DPP6: variants seen among roughly 807,000 people sequenced by gnomAD.
DPP6 encodes the protein dipeptidyl peptidase like 6.
In DPP6, 69 loss-of-function variants were observed where a neutral mutation model predicts 122.6. The observed-to-expected ratio is 0.56, with a 90% CI of 0.46 to 0.69. The LOEUF (loss-of-function observed/expected upper bound fraction) is 0.69. Ranked by LOEUF, DPP6 falls within the 30% of genes least tolerant of loss-of-function variation. The probability of loss-of-function intolerance (pLI) is 0.00; values close to 1 mark genes in which losing one functional copy is unlikely to be tolerated. For synonymous variants in DPP6, 418 were observed against 433.1 expected, an observed-to-expected ratio of 0.97 and a Z score of 0.43; for missense variants, 928 against 1,116.9, an observed-to-expected ratio of 0.83 and a Z score of 2.41.
At chr7:153,753,891 A>G in the DPP6 span, among the ~76,000 whole-genome samples, 1 of 152,154 alleles carries the variant, frequency 6.6e-6, no homozygotes, top group African/African-American at 2.4e-5. Context: ...ATTTGGCACC[A>G]TTTTCTGGTG....
intron 6 of DPP6, among the ~76,000 whole-genome samples, chr7:154,648,826 G>A (rs553216632): frequency 2.0e-5 from 3 of 152,018 alleles, no homozygotes; most frequent in African/African-American, 7.2e-5. Flanking sequence ...GGCTGAGGCA[G>A]GAGAATCATT....
chr7:153,866,452 T>C, the DPP6 span, among the ~76,000 whole-genome samples: 1 of 152,234 alleles, frequency 6.6e-6, no homozygotes, highest in South Asian at 2.1e-4. Context: ...AAATGTCTTC[T>C]CTTGAGAAGT....
chr7:154,223,955 C>T (rs1344910360), intron 1 of DPP6, among the ~76,000 whole-genome samples: 3 of 148,568 alleles, frequency 2.0e-5, no homozygotes, highest in African/African-American at 7.7e-5. Flanking sequence ...CAGGAGGACA[C>T]ACACACTGTC....
chr7:154,061,258 C>G (rs1275891347), intron 1 of DPP6, among the ~76,000 whole-genome samples: 114 of 149,432 alleles, frequency 7.6e-4, no homozygotes, highest in African/African-American at 2.6e-3. Flanking sequence ...AAATGGGGAT[C>G]CCAACAACAG....
intron 1 of DPP6, among the ~76,000 whole-genome samples, chr7:154,103,440 A>T (rs527969690): frequency 9.6e-4 from 146 of 152,282 alleles, no homozygotes; most frequent in African/African-American, 3.2e-3. Flanking sequence ...TGTGCAAATT[A>T]TACAAGTGCA....
the DPP6 span, among the ~76,000 whole-genome samples, chr7:153,823,099 C>T: frequency 6.6e-6 from 1 of 151,976 alleles, no homozygotes; most frequent in Non-Finnish European, 1.5e-5. Flanking sequence ...AATCCATTCC[C>T]TTTGCCCTCA....
chr7:154,030,808 C>T (rs6942545), intron 1 of DPP6, among the ~76,000 whole-genome samples: 27,490 of 152,048 alleles, frequency 0.18, 2,599 homozygotes, highest in African/African-American at 0.21. Context: ...ACAGCCTGAT[C>T]TGCTGCCAAC....
Position 154,562,937 on chromosome 7 carries a change from A to T in DPP6, c.553-3905A>T, listed in dbSNP as rs201316639. ...AAAACATTGCTGAGAGAAATTAAAG[A>T]TTAAAACCATCTTCCTTTCAAGGTG... On this transcript the variant is annotated intron_variant, in intron 4 of 25. Coordinates refer to ENST00000377770, the MANE Select transcript of DPP6 (RefSeq NM_130797.4). Among the ~76,000 whole-genome samples, 6 of 152,322 alleles carry T rather than the reference A, an allele frequency of 3.9e-5. No homozygotes were observed. The East Asian group carries it at 1.2e-3, about 29-fold the overall frequency.
At chr7:154,829,138 T>C (rs973561442) in intron 16 of DPP6, among the ~76,000 whole-genome samples, 2 of 151,874 alleles carry the variant, frequency 1.3e-5, no homozygotes, top group East Asian at 3.9e-4. Flanking sequence ...ATCCCAACAC[T>C]CTGGGAGGCC....
chr7:154,034,955 T>C (rs1488755993), intron 1 of DPP6, among the ~76,000 whole-genome samples: 1 of 151,004 alleles, frequency 6.6e-6, no homozygotes, highest in Non-Finnish European at 1.5e-5. Flanking sequence ...AGAACTGACC[T>C]TTTCTGAAGC....
intron 1 of DPP6, among the ~76,000 whole-genome samples, chr7:154,301,559 C>T (rs532451202): frequency 5.9e-5 from 9 of 152,204 alleles, no homozygotes; most frequent in Non-Finnish European, 1.0e-4. Context: ...TCTTTGACCA[C>T]GGAGCTCTAG....
chr7:154,678,580 T>A (rs998486152), intron 7 of DPP6, among the ~76,000 whole-genome samples: 1 of 151,744 alleles, frequency 6.6e-6, no homozygotes, highest in Non-Finnish European at 1.5e-5. Flanking sequence ...GCATCTTCAA[T>A]AACCCTAACA....
chr7:153,953,904 T>G (rs1194937227), intron 1 of DPP6, among the ~76,000 whole-genome samples: 1 of 152,208 alleles, frequency 6.6e-6, no homozygotes, highest in African/African-American at 2.4e-5. Context: ...GAGGGCAGCC[T>G]GGCAGGAGGG....
At chr7:154,160,105 G>A (rs1405822476) in intron 1 of DPP6, among the ~76,000 whole-genome samples, 1 of 151,750 alleles carries the variant, frequency 6.6e-6, no homozygotes, top group Non-Finnish European at 1.5e-5. Context: ...GCAAGATCCT[G>A]TCTCAAAAAT....
At chr7:153,788,963 C>G in the DPP6 span, among the ~76,000 whole-genome samples, 6 of 111,626 alleles carry the variant, frequency 5.4e-5, no homozygotes, top group Middle Eastern at 4.8e-3. Flanking sequence ...GAAAGTCTGT[C>G]TCAAAAAAAA....
At chr7:153,957,567 G>A (rs897842523) in intron 1 of DPP6, among the ~76,000 whole-genome samples, 1 of 152,198 alleles carries the variant, frequency 6.6e-6, no homozygotes, top group Non-Finnish European at 1.5e-5. Context: ...GCAAGTGAGG[G>A]CGAGAAGGAG....
rs759743162 is a variant in DPP6, at chr7:154,804,975, C to T, written c.1547+11C>T. 1.7e-5 allele frequency: 27 copies of T among 1,592,886 alleles called. No individual in the cohort carries two copies. The highest frequency in any genetic ancestry group is 2.2e-5 in the Non-Finnish European group (26 of 1,169,038). On this transcript the variant is annotated intron_variant, in intron 15 of 25. Coordinates refer to ENST00000377770, the MANE Select transcript of DPP6 (RefSeq NM_130797.4). ...ACGACAACTCTACAGGTAACTCCTGCTCCCCCTGCACACAGGGCTCTCCCC... is the reference window on the plus strand; with the variant it reads ...ACGACAACTCTACAGGTAACTCCTGTTCCCCCTGCACACAGGGCTCTCCCC...
intron 1 of DPP6, among the ~76,000 whole-genome samples, chr7:154,185,714 C>G (rs765300781): frequency 6.6e-6 from 1 of 152,106 alleles, no homozygotes; most frequent in Non-Finnish European, 1.5e-5. Flanking sequence ...CTCTGTTGCT[C>G]TAAGTCATTT....
intron 7 of DPP6, among the ~76,000 whole-genome samples, chr7:154,724,686 G>T (rs557405092): frequency 6.6e-6 from 1 of 151,926 alleles, no homozygotes; most frequent in Non-Finnish European, 1.5e-5. Flanking sequence ...TGCCCCTCCT[G>T]TATGATTCCG....
Sources: gnomAD v4.1 joint callset for allele counts (sites outside exome capture counted in the v4.1 genomes callset) on GRCh38, gnomAD v4.1.1 for gene constraint, MANE v1.5 for transcripts, NCBI Gene and HGNC (gene_info 2026-07-23, HGNC 2026-07-21) for gene names.